Variants in RXRA observed in about 807,000 individuals in gnomAD.
The protein encoded by RXRA is retinoid X receptor alpha.
A neutral mutation model predicts 44.5 loss-of-function variants in RXRA; 5 were observed. The ratio of observed to expected loss-of-function variants is 0.11; its 90% CI spans 0.06 to 0.24. The LOEUF is 0.24. Among genes scored for constraint, RXRA ranks in the 10% least tolerant of loss-of-function variants. The pLI, the probability that RXRA is intolerant of heterozygous loss-of-function variation, is 1.00. For missense variants in RXRA, 412 were observed against 646.5 expected (o/e 0.64, Z 3.93); for synonymous variants, 291 against 271.4 (o/e 1.07, Z -0.71).
At chr9:134,370,477 G>T (rs1379672612) in intron 1 of RXRA, among the ~76,000 whole-genome samples, 1 of 152,248 alleles carries the variant, frequency 6.6e-6, no homozygotes, top group African/African-American at 2.4e-5. Context: ...GTCTCTCGCC[G>T]TGGGGCATCA....
At position 134,415,288 on chromosome 9, in the gene RXRA, G is replaced by A. The variant is rs539300988; in HGVS notation, c.611-1870G>A. On this transcript the variant is annotated intron_variant, in intron 4 of 9. Transcript: ENST00000481739. ...CATGAAGGGAATCAGGGCAGGACTGGGGACCCTGGGCCCGGGGGTGTGAAG... is the reference window on the plus strand; with the variant it reads ...CATGAAGGGAATCAGGGCAGGACTGAGGACCCTGGGCCCGGGGGTGTGAAG... Among the ~76,000 whole-genome samples the A allele has an allele frequency of 5.9e-5, 9 of 152,272 alleles. No individual in the cohort carries two copies. The South Asian group carries it at 1.9e-3, about 32-fold the overall frequency.
intron 1 of RXRA, among the ~76,000 whole-genome samples, chr9:134,383,807 G>A (rs1240963542): frequency 6.6e-6 from 1 of 152,176 alleles, no homozygotes; most frequent in Non-Finnish European, 1.5e-5. Flanking sequence ...CCATGCCCTT[G>A]TCCATAGGAT....
At chr9:134,392,868 C>T (rs909967634) in intron 1 of RXRA, among the ~76,000 whole-genome samples, 3 of 151,962 alleles carry the variant, frequency 2.0e-5, no homozygotes, top group African/African-American at 7.2e-5. Flanking sequence ...GTAGCGGCTG[C>T]GTTGGGAACC....
chr9:134,348,770 T>C (rs1019828427), intron 1 of RXRA, among the ~76,000 whole-genome samples: 1 of 151,888 alleles, frequency 6.6e-6, no homozygotes, highest in Non-Finnish European at 1.5e-5. Flanking sequence ...TCAGGCACAA[T>C]GCAGGATTCG....
intron 1 of RXRA, among the ~76,000 whole-genome samples, chr9:134,370,794 G>A (rs1462644761): frequency 1.3e-5 from 2 of 152,232 alleles, no homozygotes; most frequent in South Asian, 2.1e-4. Context: ...CTCAGACCAC[G>A]GAGGGTCTGG....
At position 134,417,163 on chromosome 9, in the gene RXRA, C is replaced by T; in HGVS notation, c.616C>T (p.Gln206Ter). 6.2e-7 allele frequency: 1 copy of T among 1,611,110 alleles called. No homozygotes were observed. The highest frequency in any genetic ancestry group is 8.5e-7 in the Non-Finnish European group (1 of 1,179,660). The change falls in exon 5 of 10, where the codon CAG (glutamine) becomes TAG (stop). Residue 206 changes from glutamine to a stop codon, truncating the protein, a stop_gained. Transcript: ENST00000481739. LOFTEE classifies it high-confidence loss of function. This position sits in a 1 kb window ranked among gnomAD's most constrained non-coding sequence, Gnocchi z 6.1. ...CTGCGCCTCCCGGGTTGTAGCCGTG[C>T]AGGAGGAGCGGCAGCGTGGCAAGGA... is the stretch of plus-strand genomic sequence containing the variant. ...LAMGMKREAV[Q>*]EERQRGKDRN...
intron 1 of RXRA, among the ~76,000 whole-genome samples, chr9:134,388,235 C>T (rs370053293): frequency 1.3e-5 from 2 of 151,530 alleles, no homozygotes; most frequent in African/African-American, 4.9e-5. Context: ...TTAGACTGTG[C>T]TCTTCGTCAG....
intron 1 of RXRA, among the ~76,000 whole-genome samples, chr9:134,363,003 GGA>G (rs975928844): frequency 7.9e-5 from 12 of 152,206 alleles, no homozygotes; most frequent in Admixed American, 4.6e-4. Flanking sequence ...GTTAATTTGG[GGA>G]GAGTGTGGAC....
chr9:134,430,137 C>T (rs1276207434), intron 7 of RXRA, among the ~76,000 whole-genome samples: 2 of 152,202 alleles, frequency 1.3e-5, no homozygotes, highest in African/African-American at 2.4e-5. Context: ...CCGCCCACCT[C>T]GGCCTCCCAA....
chr9:134,429,337 A>G (rs1831491167), intron 7 of RXRA, 97 bp downstream of exon 7: 2 of 1,311,028 alleles, frequency 1.5e-6, no homozygotes, highest in East Asian at 2.4e-5. Context: ...CATCCTGCCT[A>G]GTATTATTTC....
chr9:134,331,549 C>T (rs1274117322), intron 1 of RXRA, among the ~76,000 whole-genome samples: 1 of 152,232 alleles, frequency 6.6e-6, no homozygotes, highest in Non-Finnish European at 1.5e-5. Context: ...ATGGTGCTCC[C>T]TGCTGGGTTT....
Position 134,357,392 on chromosome 9 carries a change from C to T in RXRA, c.28+30733C>T, listed in dbSNP as rs555027704. The stretch of plus-strand genomic sequence containing the variant: ...GGCAGGGGATTGCACAGAGCTGATT[C>T]GCACCTTGGCCCCTCTGCTGTAGCC... On this transcript the variant is annotated intron_variant, in intron 1 of 9. Coordinates refer to ENST00000481739, the MANE Select transcript of RXRA (RefSeq NM_002957.6). 1.8e-4 allele frequency among the ~76,000 whole-genome samples: 28 copies of T among 152,332 alleles called. No individual in the cohort carries two copies. In the South Asian group the frequency reaches 4.1e-3, roughly 23 times the overall value.
intron 1 of RXRA, among the ~76,000 whole-genome samples, chr9:134,392,207 T>A (rs1018480500): frequency 1.3e-5 from 2 of 152,178 alleles, no homozygotes; most frequent in African/African-American, 2.4e-5. Context: ...TCACGCCCTT[T>A]CCGTGACTCC....
Position 134,433,988 on chromosome 9 carries a change from T to C in RXRA, c.1136-114T>C. The C allele has an allele frequency of 7.1e-6, 5 of 706,588 alleles. No homozygotes were observed. Among genetic ancestry groups the C allele is most frequent in the Non-Finnish European group, 1.2e-5 (5 of 417,548 alleles). The allele number at this position is 706,588 out of a possible 1,614,324, so 43.8% of individuals were successfully genotyped here. On this transcript the variant is annotated intron_variant, in intron 8 of 9. Coordinates refer to ENST00000481739, the MANE Select transcript of RXRA (RefSeq NM_002957.6). The surrounding 1 kb of genome is among the most constrained non-coding windows in gnomAD (Gnocchi z 4.2). ...TGTCCAGCGGCATTCCTCCACCACC[T>C]GCTCTGCCCATGGTGGGGCAGCCTG...
rs188573524 is a variant in RXRA at position 134,359,879 on chromosome 9, C to T, written c.28+33220C>T. ...CCCGAGATTGTCCTGCCATGCTGGG[C>T]AGCCTGGTGGCTCTGGGTGGGCCTG... is the stretch of plus-strand genomic sequence containing the variant. On this transcript the variant is annotated intron_variant, in intron 1 of 9. Transcript: ENST00000481739. Among the ~76,000 whole-genome samples, 1,348 of 152,310 alleles carry T rather than the reference C, an allele frequency of 8.9e-3. 8 individuals are homozygous for T. The highest frequency in any genetic ancestry group is 0.015 in the Non-Finnish European group (997 of 68,016).
At chr9:134,348,665 C>T (rs1372561205) in intron 1 of RXRA, among the ~76,000 whole-genome samples, 6 of 152,370 alleles carry the variant, frequency 3.9e-5, no homozygotes, top group South Asian at 2.1e-4. Flanking sequence ...CAGTGCTTCC[C>T]GGCCTACGTA....
intron 1 of RXRA, among the ~76,000 whole-genome samples, chr9:134,387,065 G>A (rs937999562): frequency 5.9e-5 from 9 of 152,204 alleles, no homozygotes; most frequent in Admixed American, 2.6e-4. Context: ...GCCCTGGGCC[G>A]CTGCTGTGGC....
intron 3 of RXRA, among the ~76,000 whole-genome samples, 160 bp downstream of exon 3, chr9:134,408,459 G>T (rs1257507989): frequency 1.3e-5 from 2 of 152,176 alleles, no homozygotes; most frequent in African/African-American, 2.4e-5. Context: ...CCAGGGCTCC[G>T]CGAGGCCATT....
intron 1 of RXRA, among the ~76,000 whole-genome samples, chr9:134,399,517 G>A (rs1185355694): frequency 6.6e-6 from 1 of 152,140 alleles, no homozygotes; most frequent in Non-Finnish European, 1.5e-5. Flanking sequence ...CTGGCCTTCT[G>A]CACCTGGGGA....
Sources: allele counts gnomAD v4.1 joint callset (sites outside exome capture counted in the v4.1 genomes callset), GRCh38; gene constraint gnomAD v4.1.1; non-coding constraint Gnocchi (gnomAD v3.1); transcripts MANE v1.5; gene names NCBI Gene and HGNC (gene_info 2026-07-23, HGNC 2026-07-21).